BTC: variants seen among roughly 807,000 people sequenced by gnomAD.
BTC encodes betacellulin, also known as probetacellulin.
A neutral mutation model predicts 18.1 loss-of-function variants in BTC; 13 were observed. The observed-to-expected ratio is 0.72, with a 90% CI of 0.47 to 1.14. The LOEUF is 1.14. BTC is among the 50% of genes most tolerant of loss of function. The probability of loss-of-function intolerance (pLI) is 0.00; values close to 1 mark genes in which losing one functional copy is unlikely to be tolerated. For missense variants in BTC, 247 were observed against 224.2 expected (o/e 1.10, Z -0.65); for synonymous variants, 83 against 79.4 (o/e 1.05, Z -0.24).
chr4:74,778,075 A>G (rs964205761), intron 1 of BTC, among the ~76,000 whole-genome samples: 13 of 151,390 alleles, frequency 8.6e-5, no homozygotes, highest in Non-Finnish European at 1.2e-4. Context: ...TTTAACACTG[A>G]GTTTGTGGTT....
At chr4:74,761,452 T>C (rs1332910441) in intron 2 of BTC, among the ~76,000 whole-genome samples, 2 of 152,224 alleles carry the variant, frequency 1.3e-5, no homozygotes, top group African/African-American at 4.8e-5. Flanking sequence ...TTTCTAAATT[T>C]AGTTTACATC....
chr4:74,755,727 G>C (rs1207886945), intron 3 of BTC, 132 bp downstream of exon 3: 1 of 798,628 alleles, frequency 1.3e-6, no homozygotes, highest in African/African-American at 1.7e-5. Flanking sequence ...TAAACAAGTG[G>C]CTGGGGGCAG....
intron 1 of BTC, among the ~76,000 whole-genome samples, chr4:74,785,399 T>A (rs1725452634): frequency 6.6e-6 from 1 of 152,114 alleles, no homozygotes; most frequent in Admixed American, 6.6e-5. Context: ...TTCTTGAAGG[T>A]TTTTGCATGT....
intron 1 of BTC, among the ~76,000 whole-genome samples, chr4:74,779,014 G>A (rs1725249620): frequency 6.6e-6 from 1 of 152,058 alleles, no homozygotes; most frequent in African/African-American, 2.4e-5. Flanking sequence ...TGGGTTTTCA[G>A]GGCCAGCATG....
intron 1 of BTC, among the ~76,000 whole-genome samples, chr4:74,784,112 A>G (rs1378583460): frequency 6.6e-6 from 1 of 151,776 alleles, no homozygotes; most frequent in Non-Finnish European, 1.5e-5. Context: ...GGCACCTATA[A>G]TCCCAGCTAC....
At chr4:74,749,022 T>C (rs1371677517) in intron 4 of BTC, among the ~76,000 whole-genome samples, 1 of 152,174 alleles carries the variant, frequency 6.6e-6, no homozygotes, top group Non-Finnish European at 1.5e-5. Flanking sequence ...AGTTAGAAAG[T>C]ATCTGACAGA....
At chr4:74,760,297 G>A (rs909426043) in intron 2 of BTC, among the ~76,000 whole-genome samples, 2 of 152,128 alleles carry the variant, frequency 1.3e-5, no homozygotes, top group Admixed American at 6.6e-5. Flanking sequence ...AGACGTCTCA[G>A]GTCTTAACAA....
At position 74,746,123 on chromosome 4, in the gene BTC, T is replaced by C. The variant is rs1214961692; in HGVS notation, c.*554A>G. 2.0e-5 allele frequency: 3 copies of C among 152,212 alleles called. No individual in the cohort carries two copies. The highest frequency in any genetic ancestry group is 7.2e-5 in the African/African-American group (3 of 41,458). The allele number at this position is 152,212 out of a possible 1,614,324, so 9.4% of individuals were successfully genotyped here. On this transcript the variant is annotated 3_prime_UTR_variant, in exon 6 of 6. Coordinates refer to ENST00000395743, the MANE Select transcript of BTC (RefSeq NM_001729.4). ...CAAAAATGATGGTTAAGAGCATAGA[T>C]TTTGATTTAGATAAATCTTGATTTC...
At chr4:74,774,708 A>G (rs1262943388) in intron 1 of BTC, among the ~76,000 whole-genome samples, 1 of 143,480 alleles carries the variant, frequency 7.0e-6, no homozygotes, top group African/African-American at 2.9e-5. Flanking sequence ...TTGTGATGGA[A>G]GAGGAGGCTG....
intron 1 of BTC, among the ~76,000 whole-genome samples, chr4:74,790,810 G>A (rs1283283329): frequency 6.6e-6 from 1 of 152,192 alleles, no homozygotes; most frequent in Non-Finnish European, 1.5e-5. Context: ...TGAGCTAGGA[G>A]AAGCAGGGTT....
chr4:74,755,952 T>C lies in BTC; in HGVS notation c.188A>G (p.Lys63Arg), dbSNP rs574046461. The stretch of plus-strand genomic sequence containing the variant: ...CTTGGGGCACCTAGAGAAGTGGCCT[T>C]TCCGCTTTGATTGTGTGGTGGTAGC... ...CAATTTQSKR[K>R]GHFSRCPKQY... The change falls in exon 3 of 6, where the codon AAA becomes AGA. Residue 63 changes from lysine to arginine, a missense_variant. By Grantham distance (26) the Lys-to-Arg change is conservative (BLOSUM62 2). Transcript: ENST00000395743. The C allele has an allele frequency of 7.4e-6, 12 of 1,614,172 alleles. No homozygotes were observed. In the African/African-American group the frequency reaches 1.3e-4, roughly 18 times the overall value.
At chr4:74,785,887 C>T (rs1483735384) in intron 1 of BTC, among the ~76,000 whole-genome samples, 1 of 152,132 alleles carries the variant, frequency 6.6e-6, no homozygotes, top group African/African-American at 2.4e-5. Context: ...ATCAACCTAG[C>T]TCCTGTGTTA....
intron 4 of BTC, among the ~76,000 whole-genome samples, chr4:74,749,583 C>A (rs546166680): frequency 7.4e-4 from 112 of 151,540 alleles, no homozygotes; most frequent in Middle Eastern, 3.4e-3. Context: ...ATCACGAGAA[C>A]CCTCTTTATG....
intron 1 of BTC, among the ~76,000 whole-genome samples, chr4:74,782,778 TTAA>T (rs756639996): frequency 5.3e-5 from 8 of 152,186 alleles, no homozygotes; most frequent in Non-Finnish European, 1.0e-4. Flanking sequence ...TTTTGACTTC[TTAA>T]TAATAGCCAA....
intron 3 of BTC, 106 bp from the exon 4 acceptor site, chr4:74,750,825 G>T (rs928548490): frequency 2.8e-6 from 4 of 1,419,942 alleles, no homozygotes; most frequent in Non-Finnish European, 3.9e-6. Context: ...AATTAATAAA[G>T]AACACAGTTC....
Position 74,748,255 on chromosome 4 carries a change from T to C in BTC, c.429-106A>G, listed in dbSNP as rs1461115961. The C allele has an allele frequency of 4.3e-6, 3 of 689,862 alleles. No homozygotes were observed. The African/African-American group carries it at 5.6e-5, about 13-fold the overall frequency. The allele number at this position is 689,862 out of a possible 1,614,324, so 42.7% of individuals were successfully genotyped here. A position where few individuals can be genotyped will look rare whatever the true frequency, so the allele number is the denominator to read the frequency against. Reference sequence around the variant, plus strand: ...TCAGGTTTCTTTTTTTAAAAAAATATTTAGGGTTCTAGGCCGGGCGCAGTG... The same window carrying C: ...TCAGGTTTCTTTTTTTAAAAAAATACTTAGGGTTCTAGGCCGGGCGCAGTG... On this transcript the variant is annotated intron_variant, in intron 4 of 5. Transcript: ENST00000395743.
chr4:74,781,729 A>G (rs892620990), intron 1 of BTC, among the ~76,000 whole-genome samples: 8 of 151,900 alleles, frequency 5.3e-5, no homozygotes, highest in African/African-American at 1.9e-4. Context: ...AAATACATAT[A>G]ACAAAAAATT....
intron 1 of BTC, among the ~76,000 whole-genome samples, chr4:74,774,695 GGA>G (rs1577963234): frequency 6.9e-6 from 1 of 144,660 alleles, no homozygotes; most frequent in East Asian, 1.9e-4. Flanking sequence ...GGGTGGGTGG[GGA>G]TTGTGATGGA....
Position 74,748,100 on chromosome 4 carries a change from T to C in BTC, c.478A>G (p.Thr160Ala), listed in dbSNP as rs782444660. 33 of 1,610,746 alleles carry C rather than the reference T, an allele frequency of 2.0e-5. No individual in the cohort carries two copies. Among genetic ancestry groups the C allele is most frequent in the Admixed American group, 1.5e-4 (9 of 59,914 alleles). Residue 160 changes from threonine to alanine, a missense_variant, in exon 5 of 6, where the codon ACT (threonine) becomes GCT (alanine). Physicochemically the swap from Thr to Ala is moderately conservative, Grantham distance 58 (BLOSUM62 0). Transcript: ENST00000395743. ...ATAGGAGTTATATCTTTACCCAGAG[T>C]TTCCATTTCTTCTTCTTTCTTCTTT... ...KRKKKEEEME[T>A]LGKDITPINE...
Sources: gnomAD v4.1 joint callset for allele counts (sites outside exome capture counted in the v4.1 genomes callset) on GRCh38, gnomAD v4.1.1 for gene constraint, MANE v1.5 for transcripts, NCBI Gene and HGNC (gene_info 2026-07-23, HGNC 2026-07-21) for gene names.